The following FAM135B variants were observed in gnomAD, a reference collection of about 807,000 sequenced individuals.
The protein encoded by FAM135B is protein FAM135B.
Under a neutral mutation model 127.7 loss-of-function variants are expected in FAM135B, and 43 were observed. The observed-to-expected ratio is 0.34, with a 90% CI of 0.26 to 0.43. FAM135B has a LOEUF of 0.43. Ranked by LOEUF, FAM135B falls within the 20% of genes least tolerant of loss-of-function variation. The pLI is 1.00. For synonymous variants in FAM135B, 670 were observed against 665.1 expected (o/e 1.01, Z -0.11); for missense variants, 1,558 against 1,725.6 (o/e 0.90, Z 1.72).
chr8:138,354,027 G>A (rs908540473), intron 2 of FAM135B, among the ~76,000 whole-genome samples: 2 of 151,946 alleles, frequency 1.3e-5, no homozygotes, highest in Non-Finnish European at 2.9e-5. Flanking sequence ...TCAACACAAT[G>A]CAAAAACACC....
intron 1 of FAM135B, among the ~76,000 whole-genome samples, chr8:138,403,801 T>C (rs1325666643): frequency 6.6e-6 from 1 of 152,216 alleles, no homozygotes; most frequent in Non-Finnish European, 1.5e-5. Context: ...GCAAATTTTC[T>C]AAGCTGTTCA....
chr8:138,280,745 A>T (rs73439088), intron 3 of FAM135B, among the ~76,000 whole-genome samples: 13 of 152,236 alleles, frequency 8.5e-5, no homozygotes, highest in Admixed American at 2.6e-4. Context: ...ACAGGTTTGG[A>T]TCGATAGGAG....
intron 7 of FAM135B, among the ~76,000 whole-genome samples, chr8:138,208,724 C>T (rs1330368538): frequency 1.3e-5 from 2 of 152,122 alleles, no homozygotes; most frequent in African/African-American, 4.8e-5. Flanking sequence ...CATCATAAAG[C>T]ATGACAAACA....
At chr8:138,344,445 C>T (rs897098288) in intron 2 of FAM135B, among the ~76,000 whole-genome samples, 5 of 152,182 alleles carry the variant, frequency 3.3e-5, no homozygotes, top group Middle Eastern at 3.2e-3. Flanking sequence ...TTCCTTTGGC[C>T]TTTTTCCTCC....
chr8:138,188,462 G>A (rs939062096), intron 9 of FAM135B, among the ~76,000 whole-genome samples: 3 of 152,198 alleles, frequency 2.0e-5, no homozygotes, highest in African/African-American at 7.2e-5. Flanking sequence ...CAGAGAGTTG[G>A]CAAGGTTGTT....
chr8:138,138,144 C>A (rs1035547599), intron 18 of FAM135B, among the ~76,000 whole-genome samples: 2 of 152,220 alleles, frequency 1.3e-5, no homozygotes, highest in Non-Finnish European at 2.9e-5. Flanking sequence ...ATGGACTCTA[C>A]AGTGATCACA....
intron 4 of FAM135B, among the ~76,000 whole-genome samples, chr8:138,257,399 T>TA (rs1206817567): frequency 6.7e-6 from 1 of 149,422 alleles, no homozygotes; most frequent in Non-Finnish European, 1.5e-5. Context: ...TTTTGTCCTT[T>TA]GCTTTAAGAA....
At chr8:138,376,934 C>T (rs942537346) in intron 1 of FAM135B, among the ~76,000 whole-genome samples, 2 of 152,184 alleles carry the variant, frequency 1.3e-5, no homozygotes, top group Non-Finnish European at 2.9e-5. Flanking sequence ...TAAATGTTTG[C>T]ACTTTTCATC....
intron 7 of FAM135B, among the ~76,000 whole-genome samples, chr8:138,233,251 T>C (rs768124758): frequency 1.4e-4 from 22 of 152,274 alleles, no homozygotes; most frequent in Admixed American, 2.6e-4. Flanking sequence ...CTGAATCAAA[T>C]TGCAAGCCCA....
chr8:138,315,268 T>G (rs1312639438), intron 2 of FAM135B, among the ~76,000 whole-genome samples: 4 of 152,142 alleles, frequency 2.6e-5, no homozygotes, highest in Non-Finnish European at 4.4e-5. Context: ...CACAACAACA[T>G]GTCACCTCAT....
intron 2 of FAM135B, among the ~76,000 whole-genome samples, chr8:138,317,594 A>T (rs1827188438): frequency 6.6e-6 from 1 of 152,258 alleles, no homozygotes; most frequent in Non-Finnish European, 1.5e-5. Context: ...AAAGCATTTA[A>T]TTGAAAAACA....
At chr8:138,184,841 T>C (rs1384559020) in intron 9 of FAM135B, among the ~76,000 whole-genome samples, 1 of 152,102 alleles carries the variant, frequency 6.6e-6, no homozygotes, top group Non-Finnish European at 1.5e-5. Context: ...AGGGAACTAG[T>C]GGGAATTGCA....
chr8:138,225,027 G>T (rs1264891889), intron 7 of FAM135B, among the ~76,000 whole-genome samples: 1 of 152,182 alleles, frequency 6.6e-6, no homozygotes, highest in African/African-American at 2.4e-5. Flanking sequence ...CTATTGCACT[G>T]CATGGTGACC....
chr8:138,446,194 A>C (rs1836148995), intron 1 of FAM135B, among the ~76,000 whole-genome samples: 1 of 152,248 alleles, frequency 6.6e-6, no homozygotes, highest in Admixed American at 6.5e-5. Context: ...GCTCATGGGT[A>C]GGAAGAATCA....
intron 12 of FAM135B, among the ~76,000 whole-genome samples, chr8:138,163,161 T>A (rs1819557171): frequency 6.6e-6 from 1 of 152,188 alleles, no homozygotes; most frequent in Admixed American, 6.5e-5. Context: ...TATGGACTGA[T>A]CAATCCACTA....
intron 2 of FAM135B, among the ~76,000 whole-genome samples, chr8:138,346,623 C>G (rs1183262305): frequency 1.3e-5 from 2 of 152,036 alleles, no homozygotes; most frequent in Admixed American, 1.3e-4. Flanking sequence ...GCAATGAGAA[C>G]ACATGGACAC....
chr8:138,276,379 C>T (rs919897187), intron 3 of FAM135B, among the ~76,000 whole-genome samples: 8 of 152,146 alleles, frequency 5.3e-5, no homozygotes, highest in Non-Finnish European at 7.4e-5. Flanking sequence ...TTTGCTAGTC[C>T]ACCGTGGCCT....
chr8:138,407,011 ATG>A (rs1833546276), intron 1 of FAM135B, among the ~76,000 whole-genome samples: 2 of 147,372 alleles, frequency 1.4e-5, no homozygotes, highest in Non-Finnish European at 3.0e-5. Flanking sequence ...GAAAACCCCA[ATG>A]TCTCAGCCCA....
At chr8:138,344,051 C>A (rs151101316) in intron 2 of FAM135B, among the ~76,000 whole-genome samples, 2 of 152,098 alleles carry the variant, frequency 1.3e-5, no homozygotes, top group East Asian at 3.9e-4. Context: ...GGGAGGCAGA[C>A]GGAGGCTAGG....
Sources: gnomAD v4.1 joint callset for allele counts (sites outside exome capture counted in the v4.1 genomes callset) on GRCh38, gnomAD v4.1.1 for gene constraint, MANE v1.5 for transcripts, NCBI Gene and HGNC (gene_info 2026-07-23, HGNC 2026-07-21) for gene names.